The following LZTFL1 variants were observed in gnomAD, a reference collection of about 807,000 sequenced individuals.
LZTFL1 encodes leucine zipper transcription factor like 1.
Under a neutral mutation model 45.9 loss-of-function variants are expected in LZTFL1, and 25 were observed. The observed-to-expected ratio is 0.54, with a 90% CI of 0.40 to 0.76. The LOEUF is 0.76. Ranked by LOEUF, LZTFL1 falls within the 30% of genes least tolerant of loss-of-function variation. The pLI, the probability that LZTFL1 is intolerant of heterozygous loss-of-function variation, is 0.00. For missense variants in LZTFL1, 277 were observed against 331.1 expected (o/e 0.84, Z 1.27); for synonymous variants, 93 against 117.4 (o/e 0.79, Z 1.35).
intron 2 of LZTFL1, among the ~76,000 whole-genome samples, chr3:45,890,881 G>T (rs1702158600): frequency 6.6e-6 from 1 of 152,208 alleles, no homozygotes; most frequent in Non-Finnish European, 1.5e-5. Flanking sequence ...CCTGTCTGAA[G>T]AATGTTTAAT....
intron 2 of LZTFL1, among the ~76,000 whole-genome samples, chr3:45,862,870 T>G (rs1435604803): frequency 6.6e-6 from 1 of 152,218 alleles, no homozygotes; most frequent in African/African-American, 2.4e-5. Flanking sequence ...AGCACAGATA[T>G]AAGTAATAAT....
At chr3:45,896,087 CA>C (rs1230765685) in intron 2 of LZTFL1, among the ~76,000 whole-genome samples, 2 of 152,144 alleles carry the variant, frequency 1.3e-5, no homozygotes, top group African/African-American at 4.8e-5. Flanking sequence ...ATATCCATAA[CA>C]ACAAAAAAGT....
chr3:45,826,131 G>C lies in LZTFL1; in HGVS notation c.*183C>G. ...GAGAGGTGTGTGGGATGACCAGACAGAATCACTAGGTTTTCTCTGTTTTCA... is the reference window on the plus strand; with the variant it reads ...GAGAGGTGTGTGGGATGACCAGACACAATCACTAGGTTTTCTCTGTTTTCA... On this transcript the variant is annotated 3_prime_UTR_variant, in exon 10 of 10. Coordinates refer to ENST00000296135, the MANE Select transcript of LZTFL1 (RefSeq NM_020347.4). 3.3e-6 allele frequency: 2 copies of C among 603,718 alleles called. No homozygotes were observed. The highest frequency in any genetic ancestry group is 5.9e-6 in the Non-Finnish European group (2 of 340,570). 37.4% of individuals were successfully genotyped at this position (603,718 alleles called of 1,614,324 possible).
In LZTFL1 at chr3:45,827,444, ATTTCT is replaced by A; in HGVS notation, c.788_792del (p.Lys263IlefsTer19). 1 of 1,611,728 alleles carries A rather than the reference ATTTCT, an allele frequency of 6.2e-7. No homozygotes were observed. Among genetic ancestry groups the A allele is most frequent in the Non-Finnish European group, 8.5e-7 (1 of 1,177,992 alleles). On this transcript the variant is annotated frameshift_variant, in exon 9 of 10. Transcript: ENST00000296135. LOFTEE classifies it high-confidence loss of function. ...TTTCGATAAGCTGCTGTTTGCTGAAATTTCTTTTCTAATTCCTGCTTAGTAAAAAA... is the reference window on the plus strand; with the variant it reads ...TTTCGATAAGCTGCTGTTTGCTGAAATTTCTAATTCCTGCTTAGTAAAAAA...
chr3:45,840,743 G>C (rs1701085969), intron 1 of LZTFL1, among the ~76,000 whole-genome samples: 1 of 152,190 alleles, frequency 6.6e-6, no homozygotes. Context: ...GGATAGAAGA[G>C]AAATGGGTAA....
rs564985155 is a variant in LZTFL1, at chr3:45,890,150, T to C, written c.-215+22970A>G. ...CTCACTATAACAAAGCCATTCTTTC[T>C]TCTTTTTGTGGTTTCTTTCTTTGGG... On this transcript the variant is annotated intron_variant, in intron 2 of 4. Transcript: ENST00000472635. Among the ~76,000 whole-genome samples the C allele has an allele frequency of 2.4e-4, 35 of 148,356 alleles. 1 individual carries two copies. The South Asian group carries it at 7.1e-3, about 30-fold the overall frequency.
At chr3:45,907,907 G>A (rs1013414494) in intron 2 of LZTFL1, among the ~76,000 whole-genome samples, 2 of 152,220 alleles carry the variant, frequency 1.3e-5, no homozygotes, top group African/African-American at 4.8e-5. Context: ...TTTGCATGAT[G>A]TTATGACAGT....
At chr3:45,894,709 G>A (rs1702295431) in intron 2 of LZTFL1, among the ~76,000 whole-genome samples, 1 of 152,152 alleles carries the variant, frequency 6.6e-6, no homozygotes, top group Non-Finnish European at 1.5e-5. Context: ...AACTTCAAAG[G>A]AGAGGTTCAT....
chr3:45,841,646 C>A, intron 1 of LZTFL1: 1 of 428,950 alleles, frequency 2.3e-6, no homozygotes. Flanking sequence ...GAGTTAAGAA[C>A]CCTGCCGTGC....
intron 2 of LZTFL1, among the ~76,000 whole-genome samples, chr3:45,863,862 C>T (rs530757216): frequency 1.3e-5 from 2 of 152,212 alleles, no homozygotes; most frequent in East Asian, 3.9e-4. Flanking sequence ...CTCGTTTGGA[C>T]AAAGAAGCTG....
upstream of LZTFL1, among the ~76,000 whole-genome samples, chr3:45,843,240 T>C (rs1701160732): frequency 6.6e-6 from 1 of 152,226 alleles, no homozygotes; most frequent in African/African-American, 2.4e-5. Flanking sequence ...AACTTCCCCT[T>C]TACCATCCCA....
intron 2 of LZTFL1, among the ~76,000 whole-genome samples, chr3:45,865,386 A>C (rs79091774): frequency 0.021 from 3,131 of 152,396 alleles, 54 homozygotes; most frequent in Non-Finnish European, 0.031. Context: ...TTCATTGTTC[A>C]GTGAGTGAAA....
chr3:45,844,287 C>T (rs1701183694), upstream of LZTFL1, among the ~76,000 whole-genome samples: 2 of 151,998 alleles, frequency 1.3e-5, no homozygotes, highest in South Asian at 4.2e-4. Flanking sequence ...GTTCTGTGGC[C>T]ATGATAGTGA....
At chr3:45,911,415 A>G (rs1050658024) in intron 2 of LZTFL1, among the ~76,000 whole-genome samples, 8 of 152,256 alleles carry the variant, frequency 5.3e-5, no homozygotes, top group African/African-American at 1.9e-4. Flanking sequence ...GATAACAGCT[A>G]TCACATTTTG....
intron 2 of LZTFL1, among the ~76,000 whole-genome samples, chr3:45,890,271 CATAT>C (rs371319572): frequency 9.7e-5 from 1 of 10,320 alleles, no homozygotes; most frequent in Non-Finnish European, 1.5e-4. Context: ...ATATATATAA[CATAT>C]ATATATATTT....
intron 2 of LZTFL1, among the ~76,000 whole-genome samples, chr3:45,871,281 A>G (rs1037928150): frequency 1.3e-5 from 2 of 152,238 alleles, no homozygotes; most frequent in African/African-American, 2.4e-5. Flanking sequence ...TATTGCTGTC[A>G]TCTCTTTCCA....
intron 1 of LZTFL1, 88 bp downstream of exon 1, chr3:45,841,901 A>T (rs1701127645): frequency 1.1e-5 from 17 of 1,522,750 alleles, no homozygotes; most frequent in Non-Finnish European, 1.5e-5. Context: ...AGGCCACGTA[A>T]TCATTCCGGG....
At chr3:45,832,845 A>G (rs1310818859) in intron 5 of LZTFL1, 2 of 454,254 alleles carry the variant, frequency 4.4e-6, no homozygotes. Context: ...TTTACCTTGA[A>G]AAGGTGTGAT....
At chr3:45,911,233 T>C (rs1575313977) in intron 2 of LZTFL1, among the ~76,000 whole-genome samples, 1 of 152,164 alleles carries the variant, frequency 6.6e-6, no homozygotes, top group East Asian at 1.9e-4. Flanking sequence ...GTCAAATAAC[T>C]CTAGGGCCAT....
Sources: gnomAD v4.1 joint callset for allele counts (sites outside exome capture counted in the v4.1 genomes callset) on GRCh38, gnomAD v4.1.1 for gene constraint, MANE v1.5 for transcripts, NCBI Gene and HGNC (gene_info 2026-07-23, HGNC 2026-07-21) for gene names.